Variants in IL6R observed in about 807,000 individuals in gnomAD.
The protein encoded by IL6R is interleukin 6 receptor.
Under a neutral mutation model 48.3 loss-of-function variants are expected in IL6R, and 38 were observed. The observed-to-expected ratio is 0.79, with a 90% CI of 0.61 to 1.03. The LOEUF is 1.03. Ranked by LOEUF, IL6R falls within the 50% of genes least tolerant of loss-of-function variation. The pLI is 0.00. For missense variants in IL6R, 534 were observed against 618.3 expected (o/e 0.86, Z 1.45); for synonymous variants, 264 against 256.2 (o/e 1.03, Z -0.29).
chr1:154,452,186 T>A (rs2149266256), intron 8 of IL6R, among the ~76,000 whole-genome samples: 2 of 152,296 alleles, frequency 1.3e-5, no homozygotes, highest in Middle Eastern at 6.8e-3. Flanking sequence ...AACCAGCACT[T>A]AGAGTATCCC....
At chr1:154,411,398 G>C (rs561880123) in intron 1 of IL6R, among the ~76,000 whole-genome samples, 2 of 152,280 alleles carry the variant, frequency 1.3e-5, no homozygotes, top group Admixed American at 1.3e-4. Flanking sequence ...ATAAGGAGTT[G>C]GATATGGGAG....
At chr1:154,448,299 A>G (rs1027882885) in intron 7 of IL6R, 128 bp downstream of exon 7, 8 of 732,380 alleles carry the variant, frequency 1.1e-5, no homozygotes, top group African/African-American at 5.2e-5. Context: ...GTGGTGAGTT[A>G]CCTGTGCTTT....
At chr1:154,453,651 C>T (rs779697399) in intron 8 of IL6R, among the ~76,000 whole-genome samples, 23 of 152,156 alleles carry the variant, frequency 1.5e-4, no homozygotes, top group Admixed American at 3.3e-4. Flanking sequence ...ACTTTGTATT[C>T]GGCACTGTGT....
intron 6 of IL6R, among the ~76,000 whole-genome samples, chr1:154,446,864 CTG>C (rs1301521125): frequency 6.6e-6 from 1 of 152,150 alleles, no homozygotes; most frequent in Non-Finnish European, 1.5e-5. Flanking sequence ...ATGATATATA[CTG>C]TGTTACACAA....
At chr1:154,435,922 G>A in intron 5 of IL6R, 47 bp from the exon 6 acceptor site, 2 of 1,535,866 alleles carry the variant, frequency 1.3e-6, no homozygotes, top group Non-Finnish European at 1.8e-6. Context: ...TACCTGCCCA[G>A]CACCATCCTG....
intron 1 of IL6R, chr1:154,414,673 T>G (rs1688229578): frequency 1.2e-6 from 1 of 858,466 alleles, no homozygotes; most frequent in South Asian, 1.4e-5. Flanking sequence ...GATGTTACCC[T>G]TGGCCAGGAA....
rs1691566512 is a variant in IL6R, at chr1:154,466,740, TG to T, written c.*1366del. ...GAGTGTGCCTGAAGTCCCAGATACT[TG>T]GGGGGCTGAGGTGGGAGGATCTCTT... is the stretch of plus-strand genomic sequence containing the variant. On this transcript the variant is annotated 3_prime_UTR_variant, in exon 10 of 10. Coordinates refer to ENST00000368485, the MANE Select transcript of IL6R (RefSeq NM_000565.4). The T allele has an allele frequency of 5.9e-6, 1 of 168,080 alleles. No homozygotes were observed. 10.4% of individuals were successfully genotyped at this position (168,080 alleles called of 1,614,324 possible).
At chr1:154,445,204 A>T (rs193097396) in intron 6 of IL6R, 54 of 431,480 alleles carry the variant, frequency 1.3e-4, no homozygotes, top group African/African-American at 9.1e-4. Context: ...GGCTGCGAGG[A>T]AAGGTGTGAA....
intron 9 of IL6R, among the ~76,000 whole-genome samples, chr1:154,458,484 G>C (rs1277822607): frequency 6.6e-6 from 1 of 152,194 alleles, no homozygotes. Flanking sequence ...TTCTGGCTCT[G>C]TGTCTACGTT....
chr1:154,417,961 C>A (rs1688446958), intron 1 of IL6R, among the ~76,000 whole-genome samples: 1 of 152,132 alleles, frequency 6.6e-6, no homozygotes, highest in African/African-American at 2.4e-5. Context: ...TCTCAAACTC[C>A]TGACCTTGTG....
intron 5 of IL6R, among the ~76,000 whole-genome samples, chr1:154,435,524 TAGAA>T: frequency 7.7e-6 from 1 of 130,138 alleles, no homozygotes; most frequent in African/African-American, 2.9e-5. Flanking sequence ...AAAAAAAAAA[TAGAA>T]AGGGTACTAA....
At chr1:154,438,208 G>A (rs1003058818) in intron 6 of IL6R, among the ~76,000 whole-genome samples, 1 of 147,940 alleles carries the variant, frequency 6.8e-6, no homozygotes, top group Admixed American at 6.8e-5. Flanking sequence ...AAGCTTATAT[G>A]GCTTTTTTTT....
At chr1:154,453,181 G>A (rs1690681202) in intron 8 of IL6R, among the ~76,000 whole-genome samples, 1 of 152,084 alleles carries the variant, frequency 6.6e-6, no homozygotes, top group Non-Finnish European at 1.5e-5. Flanking sequence ...CTCCAGCCTG[G>A]GTGACAAGAG....
intron 9 of IL6R, among the ~76,000 whole-genome samples, chr1:154,460,411 T>C (rs1458888131): frequency 8.9e-6 from 1 of 112,206 alleles, no homozygotes; most frequent in African/African-American, 2.8e-5. Flanking sequence ...CTTTCTTTGT[T>C]ACCCATTCAG....
rs147816149 is a variant in IL6R at position 154,421,303 on chromosome 1, G to A, written c.86-7893G>A. On this transcript the variant is annotated intron_variant, in intron 1 of 9. Coordinates refer to ENST00000368485, the MANE Select transcript of IL6R (RefSeq NM_000565.4). ...TGGGGAGAGGTGGGGAAGCCATTGA[G>A]CCTGCACATACTTTTGACAGGCTTG... 5.3e-5 allele frequency among the ~76,000 whole-genome samples: 8 copies of A among 152,312 alleles called. No individual in the cohort carries two copies. The East Asian group carries it at 1.5e-3, about 29-fold the overall frequency.
intron 9 of IL6R, among the ~76,000 whole-genome samples, chr1:154,462,374 C>CT (rs34351697): frequency 0.53 from 72,145 of 137,112 alleles, 20,043 homozygotes; most frequent in East Asian, 0.72. Flanking sequence ...AAATCTCAGA[C>CT]TTTTTTTTTT....
At chr1:154,438,921 CA>C (rs1689783045) in intron 6 of IL6R, among the ~76,000 whole-genome samples, 2 of 152,186 alleles carry the variant, frequency 1.3e-5, no homozygotes, top group South Asian at 4.1e-4. Context: ...CAGACCTGGA[CA>C]AGGAGTGGGG....
chr1:154,412,194 A>G (rs1036193058), intron 1 of IL6R, among the ~76,000 whole-genome samples: 11 of 151,036 alleles, frequency 7.3e-5, no homozygotes, highest in Admixed American at 2.6e-4. Context: ...TGATCTGCCC[A>G]CCTCGTCCTC....
rs1688264760 is a variant in IL6R, at chr1:154,415,203, CT to C, written c.85+9490del. The C allele has an allele frequency of 1.5e-5, 10 of 681,758 alleles. No homozygotes were observed. In the South Asian group the frequency reaches 1.5e-4, roughly 10 times the overall value. 42.2% of individuals were successfully genotyped at this position (681,758 alleles called of 1,614,324 possible). ...CCCGGAGCTCAAGGCGCCGGCTGCA[CT>C]GTTCACCTCCACCCCCATTCCAATA... On this transcript the variant is annotated intron_variant, in intron 1 of 9. Transcript: ENST00000368485.
Sources: allele counts gnomAD v4.1 joint callset (sites outside exome capture counted in the v4.1 genomes callset), GRCh38; gene constraint gnomAD v4.1.1; transcripts MANE v1.5; gene names NCBI Gene and HGNC (gene_info 2026-07-23, HGNC 2026-07-21).